Variants in SCN3A observed in about 807,000 individuals in gnomAD.
SCN3A encodes the protein sodium voltage-gated channel alpha subunit 3.
A neutral mutation model predicts 187.6 loss-of-function variants in SCN3A; 60 were observed. The observed-to-expected ratio is 0.32, with a 90% CI of 0.26 to 0.40. The LOEUF (loss-of-function observed/expected upper bound fraction) is 0.40, where lower values mean the gene tolerates loss of function less well. Among genes scored for constraint, SCN3A ranks in the 10% least tolerant of loss-of-function variants. SCN3A has a pLI of 1.00. For missense variants in SCN3A, 1,601 were observed against 2,428.2 expected (o/e 0.66, Z 7.16); for synonymous variants, 788 against 829.2 (o/e 0.95, Z 0.85).
rs555106553 is a variant in SCN3A at position 165,151,862 on chromosome 2, T to G, written c.1380+2590A>C. ...AGAGAACACCACCTGGCAATCACAC[T>G]GTGCCAGAACAGTGTCTGTTCCTAC... On this transcript the variant is annotated intron_variant, in intron 11 of 27. Transcript: ENST00000283254. Among the ~76,000 whole-genome samples the G allele has an allele frequency of 9.9e-5, 15 of 152,276 alleles. No homozygotes were observed. The East Asian group carries it at 2.7e-3, about 27-fold the overall frequency.
chr2:165,195,461 A>G (rs1030370380), intron 1 of SCN3A: 2 of 152,184 alleles, frequency 1.3e-5, no homozygotes, highest in African/African-American at 4.8e-5. Context: ...TTTACAGAAA[A>G]GTCTATCAGA....
At chr2:165,186,490 A>G (rs1056225407) in intron 2 of SCN3A, 61 bp downstream of exon 2, 1 of 152,180 alleles carries the variant, frequency 6.6e-6, no homozygotes, top group Non-Finnish European at 1.5e-5. Context: ...CTTGTTAAAT[A>G]GTAGAGATTT....
chr2:165,118,674 C>T (rs1373142284), intron 18 of SCN3A, among the ~76,000 whole-genome samples: 1 of 152,276 alleles, frequency 6.6e-6, no homozygotes, highest in Admixed American at 6.5e-5. Context: ...GTATCCTCAA[C>T]ATCCCAGACG....
chr2:165,151,617 T>G (rs1376859970), intron 11 of SCN3A, among the ~76,000 whole-genome samples: 1 of 152,148 alleles, frequency 6.6e-6, no homozygotes, highest in East Asian at 1.9e-4. Flanking sequence ...TTCCAGACTA[T>G]GATGTAGAGA....
At chr2:165,124,876 CT>C (rs1686896753) in intron 18 of SCN3A, among the ~76,000 whole-genome samples, 1 of 152,060 alleles carries the variant, frequency 6.6e-6, no homozygotes, top group Non-Finnish European at 1.5e-5. Context: ...CCTTTCTTAT[CT>C]TTCACTCTAA....
chr2:165,114,813 G>A (rs1686281698), intron 19 of SCN3A, among the ~76,000 whole-genome samples: 1 of 152,104 alleles, frequency 6.6e-6, no homozygotes, highest in African/African-American at 2.4e-5. Flanking sequence ...GTTCTGAAGG[G>A]ATTACAATAT....
chr2:165,154,707 C>A, intron 10 of SCN3A, 49 bp from the exon 11 acceptor site: 4 of 1,508,036 alleles, frequency 2.7e-6, no homozygotes, highest in Non-Finnish European at 3.7e-6. Flanking sequence ...ATAATGTCCC[C>A]AAATAAATAT....
Position 165,149,563 on chromosome 2 carries a change from A to G in SCN3A, c.1381-2534T>C, listed in dbSNP as rs551968910. 3.0e-4 allele frequency among the ~76,000 whole-genome samples: 45 copies of G among 152,370 alleles called. No homozygotes were observed. The South Asian group carries it at 9.3e-3, about 32-fold the overall frequency. On this transcript the variant is annotated intron_variant, in intron 11 of 27. Coordinates refer to ENST00000283254, the MANE Select transcript of SCN3A (RefSeq NM_006922.4). ...CAAAACCAAAACAGATTTCTAAGGC[A>G]ACAAAGGTAACCTCAGACACATTTT... is the stretch of plus-strand genomic sequence containing the variant.
chr2:165,094,704 T>C (rs1377553934), intron 25 of SCN3A, among the ~76,000 whole-genome samples: 1 of 152,188 alleles, frequency 6.6e-6, no homozygotes, highest in Admixed American at 6.6e-5. Flanking sequence ...AATTTGATTA[T>C]ACTATGTTTA....
intron 12 of SCN3A, among the ~76,000 whole-genome samples, chr2:165,146,418 G>A (rs1530139): frequency 1.5e-5 from 2 of 137,376 alleles, no homozygotes; most frequent in East Asian, 4.3e-4. Flanking sequence ...GTGTGTGTGT[G>A]TATAGACACA....
chr2:165,139,573 CCTT>C lies in SCN3A; in HGVS notation c.2052_2054del (p.Arg685del), dbSNP rs766645534. 2 of 1,613,862 alleles carry C rather than the reference CCTT, an allele frequency of 1.2e-6. No homozygotes were observed. The highest frequency in any genetic ancestry group is 1.7e-6 in the Non-Finnish European group (2 of 1,179,886). ...CCATTGAAATCTGGTAAGAGCTTAA[CCTT>C]CTCTTTCTGACTTCCGTTTCTGTGG... On this transcript the variant is annotated inframe_deletion, in exon 14 of 28. Transcript: ENST00000283254.
intron 4 of SCN3A, among the ~76,000 whole-genome samples, chr2:165,169,769 A>G (rs1201591384): frequency 6.6e-6 from 1 of 151,858 alleles, no homozygotes; most frequent in African/African-American, 2.4e-5. Flanking sequence ...TCACCATTCT[A>G]TTTTATCATT....
intron 2 of SCN3A, among the ~76,000 whole-genome samples, chr2:165,176,874 GC>G (rs1234714333): frequency 6.6e-6 from 1 of 152,028 alleles, no homozygotes; most frequent in Non-Finnish European, 1.5e-5. Context: ...TCTGCATCCT[GC>G]CCCCCGCCTT....
intron 18 of SCN3A, among the ~76,000 whole-genome samples, chr2:165,124,248 T>A (rs1686860347): frequency 6.6e-6 from 1 of 152,090 alleles, no homozygotes; most frequent in Admixed American, 6.5e-5. Flanking sequence ...TACTCTAAAT[T>A]TATTATGTTT....
rs1302872068 is a variant in SCN3A at position 165,122,238 on chromosome 2, T to C, written c.3393+5393A>G. On this transcript the variant is annotated intron_variant, in intron 18 of 27. Transcript: ENST00000283254. ...TTCTTTTTTCTTTCTTTCTTTTTTT[T>C]CTTTTTTTTTTTTTTTACAGAACCT... Among the ~76,000 whole-genome samples, 6 of 119,362 alleles carry C rather than the reference T, an allele frequency of 5.0e-5. No homozygotes were observed. In the South Asian group the frequency reaches 1.7e-3, roughly 34 times the overall value. The allele number at this position is 119,362 out of a possible 152,430, so 78.3% of individuals were successfully genotyped here.
intron 26 of SCN3A, chr2:165,093,034 G>A (rs1275141342): frequency 6.5e-6 from 1 of 153,518 alleles, no homozygotes; most frequent in Non-Finnish European, 1.4e-5. Context: ...GAGAGACAGA[G>A]TGAGACCCTG....
chr2:165,102,632 G>T (rs1685660976), intron 21 of SCN3A, among the ~76,000 whole-genome samples: 1 of 152,172 alleles, frequency 6.6e-6, no homozygotes, highest in South Asian at 2.1e-4. Context: ...CACCCTACAT[G>T]GCATGGAATT....
chr2:165,170,614 A>C lies in SCN3A; in HGVS notation c.265-66T>G, dbSNP rs573420637. The C allele has an allele frequency of 5.1e-5, 49 of 952,574 alleles. No individual in the cohort carries two copies. In the Admixed American group the frequency reaches 5.8e-4, roughly 11 times the overall value. 59.0% of individuals were successfully genotyped at this position (952,574 alleles called of 1,614,324 possible). A position where few individuals can be genotyped will look rare whatever the true frequency, so the allele number is the denominator to read the frequency against. Reference sequence around the variant, plus strand: ...GGGCTTATTTAAAGAGCTTACATACATGAAGAACTTTTTAAAAAATAGAAT... The same window carrying C: ...GGGCTTATTTAAAGAGCTTACATACCTGAAGAACTTTTTAAAAAATAGAAT... On this transcript the variant is annotated intron_variant, in intron 3 of 27. Transcript: ENST00000283254.
rs566117871 is a variant in SCN3A at position 165,131,541 on chromosome 2, A to G, written c.2392-124T>C. ...AATTTAAAGTGAGAGAATGTGACAA[A>G]TCAATTCAAGTCTTAGTTTTTTTAT... On this transcript the variant is annotated intron_variant, in intron 15 of 27. Coordinates refer to ENST00000283254, the MANE Select transcript of SCN3A (RefSeq NM_006922.4). 7.4e-5 allele frequency: 37 copies of G among 501,288 alleles called. No homozygotes were observed. In the Admixed American group the frequency reaches 1.4e-3, roughly 19 times the overall value. The allele number at this position is 501,288 out of a possible 1,614,324, so 31.1% of individuals were successfully genotyped here.
Sources: allele counts gnomAD v4.1 joint callset (sites outside exome capture counted in the v4.1 genomes callset), GRCh38; gene constraint gnomAD v4.1.1; transcripts MANE v1.5; gene names NCBI Gene and HGNC (gene_info 2026-07-23, HGNC 2026-07-21).